The following FCN1 variants were observed in gnomAD, a reference collection of about 807,000 sequenced individuals.
FCN1 encodes ficolin 1.
In FCN1, 42 loss-of-function variants were observed where a neutral mutation model predicts 35.6. The ratio of observed to expected loss-of-function variants is 1.18; its 90% CI spans 0.92 to 1.53. The LOEUF is 1.53. FCN1 is among the 40% of genes most tolerant of loss of function. FCN1 has a pLI of 0.00. For missense variants in FCN1, 439 were observed against 428.4 expected (o/e 1.02, Z -0.22); for synonymous variants, 179 against 169.8 (o/e 1.05, Z -0.42).
intron 5 of FCN1, 101 bp downstream of exon 5, chr9:134,913,480 A>C: frequency 1.1e-6 from 1 of 914,548 alleles, no homozygotes; most frequent in Non-Finnish European, 1.7e-6. Context: ...TGATAGGTGC[A>C]GACAGGGTTC....
At position 134,916,447 on chromosome 9, in the gene FCN1, C is replaced by T. The variant is rs1269114510; in HGVS notation, c.118G>A (p.Gly40Ser). 2.5e-6 allele frequency: 4 copies of T among 1,614,106 alleles called. No homozygotes were observed. The highest frequency in any genetic ancestry group is 1.1e-5 in the South Asian group (1 of 91,088). ...ADTCPEVKVV[G>S]LEGSDKLTIL... The stretch of plus-strand genomic sequence containing the variant: ...GTGAGCTTGTCAGAGCCCTCCAGGC[C>T]CACCACCTTCACCTCTGCAGAGAAA... Residue 40 changes from glycine to serine, a missense_variant, in exon 2 of 9, where the codon GGC becomes AGC. Physicochemically the swap from Gly to Ser is moderately conservative, Grantham distance 56. Coordinates refer to ENST00000371806, the MANE Select transcript of FCN1 (RefSeq NM_002003.5).
At position 134,907,981 on chromosome 9, in the gene FCN1, G is replaced by C. The variant is rs990980104; in HGVS notation, c.*1817C>G. On this transcript the variant is annotated 3_prime_UTR_variant, in exon 9 of 9. Transcript: ENST00000371806. ...TGTGGGACTGGCAGGTTAGAGGACT[G>C]TGTGTCTTCTTCTCCAACAGTTGAT... 1 of 105,922 alleles carries C rather than the reference G, an allele frequency of 9.4e-6. No homozygotes were observed. Among genetic ancestry groups the C allele is most frequent in the Admixed American group, 8.4e-5 (1 of 11,946 alleles). 6.6% of individuals were successfully genotyped at this position (105,922 alleles called of 1,614,324 possible).
In FCN1 at chr9:134,909,654, G is replaced by A. The variant is rs1221636007; in HGVS notation, c.*144C>T. 67 of 1,592,680 alleles carry A rather than the reference G, an allele frequency of 4.2e-5. No homozygotes were observed. The highest frequency in any genetic ancestry group is 6.7e-5 in the African/African-American group (5 of 74,818). Reference sequence around the variant, plus strand: ...TCTGGTGAGGTTGTGGGCATGTGGCGGCTTGACTGAGCTGGGGGCAAAGGG... The same window carrying A: ...TCTGGTGAGGTTGTGGGCATGTGGCAGCTTGACTGAGCTGGGGGCAAAGGG... On this transcript the variant is annotated 3_prime_UTR_variant, in exon 9 of 9. Transcript: ENST00000371806.
intron 2 of FCN1, among the ~76,000 whole-genome samples, chr9:134,915,635 T>C (rs895113503): frequency 6.6e-6 from 1 of 152,140 alleles, no homozygotes; most frequent in Non-Finnish European, 1.5e-5. Context: ...GTCCAAGTCA[T>C]AGGGACATTT....
intron 8 of FCN1, among the ~76,000 whole-genome samples, chr9:134,910,296 C>T (rs746959332): frequency 1.1e-4 from 17 of 152,130 alleles, no homozygotes; most frequent in Non-Finnish European, 2.1e-4. Flanking sequence ...TCCTCCAGGG[C>T]TCCCGCAAAC....
chr9:134,905,035 G>T lies in FCN1; in HGVS notation c.*4763C>A, dbSNP rs1830923950. 6.6e-6 allele frequency among the ~76,000 whole-genome samples: 1 copy of T among 152,086 alleles called. No homozygotes were observed. On this transcript the variant is annotated 3_prime_UTR_variant, in exon 9 of 9. Transcript: ENST00000371806. ...GCAGAAGGGAGTGAATGTAGTTAGA[G>T]GTGTTTCAAAGTCTTCATTGGTAAA...
In FCN1 at chr9:134,905,822, T is replaced by TTCTTCCTCTTCC. The variant is rs1317287297; in HGVS notation, c.*3964_*3975dup. On this transcript the variant is annotated 3_prime_UTR_variant, in exon 9 of 9. Coordinates refer to ENST00000371806, the MANE Select transcript of FCN1 (RefSeq NM_002003.5). ...CTTCTTCTTCTTCCTCTTCTTCTTC[T>TTCTTCCTCTTCC]TCTTCCTCTTCCTCTTCCTCTTCCT... 570 of 37,962 alleles carry TTCTTCCTCTTCC rather than the reference T, an allele frequency of 0.015. 79 individuals carry two copies. Among genetic ancestry groups the TTCTTCCTCTTCC allele is most frequent in the African/African-American group, 0.017 (66 of 3,798 alleles). 2.4% of individuals were successfully genotyped at this position (37,962 alleles called of 1,614,324 possible). A position where few individuals can be genotyped will look rare whatever the true frequency, so the allele number is the denominator to read the frequency against.
At chr9:134,916,036 G>T (rs1401831304) in intron 2 of FCN1, among the ~76,000 whole-genome samples, 1 of 152,230 alleles carries the variant, frequency 6.6e-6, no homozygotes, top group East Asian at 1.9e-4. Context: ...GTGAGAAGGT[G>T]GAGGGACACA....
At chr9:134,912,907 T>A in intron 6 of FCN1, 109 bp downstream of exon 6, 1 of 1,491,330 alleles carries the variant, frequency 6.7e-7, no homozygotes. Context: ...CATCTATGAT[T>A]GTCCCCATCC....
At chr9:134,912,674 G>A in intron 6 of FCN1, 59 bp from the exon 7 acceptor site, 1 of 1,610,882 alleles carries the variant, frequency 6.2e-7, no homozygotes, top group Non-Finnish European at 8.5e-7. Flanking sequence ...ACAGCACCGG[G>A]GACCCGCCCT....
chr9:134,914,166 A>T (rs1831062073), intron 4 of FCN1, among the ~76,000 whole-genome samples: 1 of 152,166 alleles, frequency 6.6e-6, no homozygotes, highest in Admixed American at 6.5e-5. Context: ...CTATGCACTG[A>T]TGTGGTCCTG....
rs569130971 is a variant in FCN1, at chr9:134,910,712, G to A, written c.733+421C>T. Among the ~76,000 whole-genome samples, 8 of 152,296 alleles carry A rather than the reference G, an allele frequency of 5.3e-5. No homozygotes were observed. In the East Asian group the frequency reaches 1.5e-3, roughly 29 times the overall value. ...TCTCAGTGCCTTTCACGAACGATGT[G>A]CACTGGGAATTCCCTAAGCAGACGC... On this transcript the variant is annotated intron_variant, in intron 8 of 8. Coordinates refer to ENST00000371806, the MANE Select transcript of FCN1 (RefSeq NM_002003.5).
At position 134,909,608 on chromosome 9, in the gene FCN1, A is replaced by G; in HGVS notation, c.*190T>C. On this transcript the variant is annotated 3_prime_UTR_variant, in exon 9 of 9. Transcript: ENST00000371806. ...AACTTTTCTGTCCCAAAGTAAACAT[A>G]TTTAGAAACATAATTCTCCCTCTGG... 2 of 1,530,744 alleles carry G rather than the reference A, an allele frequency of 1.3e-6. No homozygotes were observed. Among genetic ancestry groups the G allele is most frequent in the Non-Finnish European group, 8.8e-7 (1 of 1,140,914 alleles). 94.8% of individuals were successfully genotyped at this position (1,530,744 alleles called of 1,614,324 possible).
chr9:134,913,663 G>T, intron 4 of FCN1, 50 bp from the exon 5 acceptor site: 3 of 1,494,594 alleles, frequency 2.0e-6, no homozygotes, highest in Non-Finnish European at 2.7e-6. Context: ...CAGAGCCTTT[G>T]TCCTGGTCAG....
At position 134,909,756 on chromosome 9, in the gene FCN1, G is replaced by T. The variant is rs1830997467; in HGVS notation, c.*42C>A. On this transcript the variant is annotated 3_prime_UTR_variant, in exon 9 of 9. Coordinates refer to ENST00000371806, the MANE Select transcript of FCN1 (RefSeq NM_002003.5). ...CCACGACGCAGCGCTTGTGGGTGTG[G>T]CCTCCCCACTAGCAGGTGCATGTGG... 6.2e-7 allele frequency: 1 copy of T among 1,607,342 alleles called. No homozygotes were observed. Among genetic ancestry groups the T allele is most frequent in the Non-Finnish European group, 8.5e-7 (1 of 1,179,474 alleles).
In FCN1 at chr9:134,912,471, C is replaced by T. The variant is rs199988829; in HGVS notation, c.598+15G>A. 69 of 1,611,950 alleles carry T rather than the reference C, an allele frequency of 4.3e-5. No individual in the cohort carries two copies. Among genetic ancestry groups the T allele is most frequent in the East Asian group, 1.1e-4 (5 of 44,844 alleles). On this transcript the variant is annotated intron_variant, in intron 7 of 8. Transcript: ENST00000371806. ...TCAGGGCCCCCCAACCCCTGAGCCACGGCAGTGGCCCTACCCTGGGCAGTC... is the reference window on the plus strand; with the variant it reads ...TCAGGGCCCCCCAACCCCTGAGCCATGGCAGTGGCCCTACCCTGGGCAGTC...
In FCN1 at chr9:134,903,991, AT is replaced by A. The variant is rs1413313340; in HGVS notation, c.*5806del. Among the ~76,000 whole-genome samples the A allele has an allele frequency of 6.6e-6, 1 of 152,256 alleles. No individual in the cohort carries two copies. Among genetic ancestry groups the A allele is most frequent in the African/African-American group, 2.4e-5 (1 of 41,468 alleles). ...GACTGAATGTGAAAAGGAAAAAAGAATACAAATCCAGAAACTAGAACAAGAG... is the reference window on the plus strand; with the variant it reads ...GACTGAATGTGAAAAGGAAAAAAGAAACAAATCCAGAAACTAGAACAAGAG... On this transcript the variant is annotated 3_prime_UTR_variant, in exon 9 of 9. Coordinates refer to ENST00000371806, the MANE Select transcript of FCN1 (RefSeq NM_002003.5).
Position 134,910,040 on chromosome 9 carries a change from A to G in FCN1, c.739T>C (p.Ser247Pro). 6.2e-7 allele frequency: 1 copy of G among 1,613,818 alleles called. No homozygotes were observed. Among genetic ancestry groups the G allele is most frequent in the Non-Finnish European group, 8.5e-7 (1 of 1,179,806 alleles). The part of the protein sequence containing the change: ...GAFVGGSAGN[S>P]LTGHNNNFFS... Reference sequence around the variant, plus strand: ...AAGTTGTTGTTGTGGCCCGTTAGAGAATTACCTGCTCACAGAAAATGTGGG... The same window carrying G: ...AAGTTGTTGTTGTGGCCCGTTAGAGGATTACCTGCTCACAGAAAATGTGGG... The change falls in exon 9 of 9, where the codon TCT (serine) becomes CCT (proline). Residue 247 changes from serine to proline, a missense_variant. Coordinates refer to ENST00000371806, the MANE Select transcript of FCN1 (RefSeq NM_002003.5).
chr9:134,917,806 G>A lies in FCN1; in HGVS notation c.66C>T (p.Ile22=), dbSNP rs778197405. 1 of 1,613,998 alleles carries A rather than the reference G, an allele frequency of 6.2e-7. No homozygotes were observed. Among genetic ancestry groups the A allele is most frequent in the South Asian group, 1.1e-5 (1 of 91,066 alleles). ...CCGCAGCCTGGGCAGGCAGGTTCTT[G>A]ATATGCAGGAACAAGACTAGCAGGA... ...LAVLLVLFLH[I]KNLPAQAADT... The change falls in exon 1 of 9, where the codon ATC becomes ATT. Residue 22 remains isoleucine, a synonymous_variant. Coordinates refer to ENST00000371806, the MANE Select transcript of FCN1 (RefSeq NM_002003.5).
Sources: gnomAD v4.1 joint callset for allele counts (sites outside exome capture counted in the v4.1 genomes callset) on GRCh38, gnomAD v4.1.1 for gene constraint, MANE v1.5 for transcripts, NCBI Gene and HGNC (gene_info 2026-07-23, HGNC 2026-07-21) for gene names.